COL23A1: variants seen among roughly 807,000 people sequenced by gnomAD.
COL23A1 encodes collagen alpha-1(XXIII) chain.
In COL23A1, 97 loss-of-function variants were observed where a neutral mutation model predicts 99.3. The ratio of observed to expected loss-of-function variants is 0.98; its 90% CI spans 0.83 to 1.16. COL23A1 has a LOEUF of 1.16. COL23A1 is among the 50% of genes most tolerant of loss of function. COL23A1 has a pLI of 0.00. For missense variants in COL23A1, 762 were observed against 757.4 expected, an observed-to-expected ratio of 1.01 and a Z score of -0.07; for synonymous variants, 320 against 308.2, an observed-to-expected ratio of 1.04 and a Z score of -0.40.
At chr5:178,388,720 C>G (rs576732223) in intron 2 of COL23A1, among the ~76,000 whole-genome samples, 1 of 152,334 alleles carries the variant, frequency 6.6e-6, no homozygotes, top group Non-Finnish European at 1.5e-5. Flanking sequence ...CCAGCCCAGC[C>G]CAGCCATCCT....
chr5:178,271,250 C>T (rs938113883), intron 5 of COL23A1, among the ~76,000 whole-genome samples: 15 of 152,194 alleles, frequency 9.9e-5, no homozygotes, highest in African/African-American at 3.4e-4. Context: ...ACCAGGGCTG[C>T]CTGGTCTCTG....
At chr5:178,318,688 G>A (rs1023626451) in intron 2 of COL23A1, among the ~76,000 whole-genome samples, 1 of 152,224 alleles carries the variant, frequency 6.6e-6, no homozygotes, top group Non-Finnish European at 1.5e-5. Flanking sequence ...GATCACCTGA[G>A]GTCAGGAGTT....
At chr5:178,247,719 C>T in intron 21 of COL23A1, 56 bp downstream of exon 21, 1 of 1,580,608 alleles carries the variant, frequency 6.3e-7, no homozygotes, top group South Asian at 1.1e-5. Context: ...CTAGCCCCCA[C>T]CCCGCCTCTT....
At chr5:178,358,419 G>GTGTGTGTATGTGTA (rs1168044094) in intron 2 of COL23A1, among the ~76,000 whole-genome samples, 1 of 140,240 alleles carries the variant, frequency 7.1e-6, no homozygotes, top group Non-Finnish European at 1.5e-5. Context: ...GTATGTGTAT[G>GTGTGTGTATGTGTA]TGTGTGTATG....
At chr5:178,445,513 C>T (rs562608561) in intron 2 of COL23A1, among the ~76,000 whole-genome samples, 28 of 152,206 alleles carry the variant, frequency 1.8e-4, no homozygotes, top group African/African-American at 5.3e-4. Context: ...CGTCCCATTA[C>T]GATTCTGATG....
rs753690368 is a variant in COL23A1 at position 178,515,132 on chromosome 5, GA to G, written c.361+45549del. Among the ~76,000 whole-genome samples the G allele has an allele frequency of 1.1e-4, 16 of 152,354 alleles. No individual in the cohort carries two copies. In the South Asian group the frequency reaches 2.7e-3, roughly 26 times the overall value. On this transcript the variant is annotated intron_variant, in intron 2 of 28. Transcript: ENST00000390654. The stretch of plus-strand genomic sequence containing the variant: ...AGGCAGCTGAGCTGCAGATGGGGAG[GA>G]GGGCACTGTGCCAGGCTCAGATCCC...
chr5:178,495,074 G>A (rs1758128474), intron 2 of COL23A1, among the ~76,000 whole-genome samples: 1 of 152,212 alleles, frequency 6.6e-6, no homozygotes, highest in African/African-American at 2.4e-5. Context: ...GCCTCCTCCT[G>A]GGCCTGCAGG....
intron 2 of COL23A1, among the ~76,000 whole-genome samples, chr5:178,487,422 C>T (rs374648342): frequency 1.3e-4 from 20 of 152,098 alleles, no homozygotes; most frequent in African/African-American, 4.3e-4. Flanking sequence ...TGGGTTCAAG[C>T]GATTCTCCTG....
At chr5:178,242,529 C>T in intron 25 of COL23A1, 135 bp from the exon 26 acceptor site, 1 of 834,198 alleles carries the variant, frequency 1.2e-6, no homozygotes, top group South Asian at 1.5e-5. Context: ...GCTGGCCTAG[C>T]CCTAGCTGTA....
chr5:178,245,540 A>G (rs925713707), intron 25 of COL23A1, among the ~76,000 whole-genome samples: 4 of 76,560 alleles, frequency 5.2e-5, no homozygotes, highest in Middle Eastern at 6.3e-3. Flanking sequence ...TCCATCACCC[A>G]TCCATCCATT....
chr5:178,268,855 A>AGGGC, intron 6 of COL23A1, 99 bp from the exon 7 acceptor site: 1 of 1,276,946 alleles, frequency 7.8e-7, no homozygotes, highest in Non-Finnish European at 1.1e-6. Flanking sequence ...AGGGCCCGTG[A>AGGGC]TGCTGGGCGG....
intron 2 of COL23A1, among the ~76,000 whole-genome samples, chr5:178,520,487 C>T (rs190164441): frequency 1.1e-3 from 161 of 152,234 alleles, no homozygotes; most frequent in Middle Eastern, 6.8e-3. Flanking sequence ...AGGGCTCTGT[C>T]GATGTGTTTG....
At chr5:178,257,684 T>G in intron 12 of COL23A1, 117 bp from the exon 13 acceptor site, 2 of 1,024,638 alleles carry the variant, frequency 2.0e-6, no homozygotes, top group Non-Finnish European at 3.0e-6. Flanking sequence ...TGGCACATGG[T>G]ACCAGGCAGC....
At chr5:178,545,074 A>C (rs1415747883) in intron 2 of COL23A1, among the ~76,000 whole-genome samples, 1 of 152,004 alleles carries the variant, frequency 6.6e-6, no homozygotes, top group Non-Finnish European at 1.5e-5. Context: ...ACCGAGTGAG[A>C]TCCTGACTCT....
rs879789305 is a variant in COL23A1, at chr5:178,309,943, G to GTA, written c.362-3025_362-3024insTA. On this transcript the variant is annotated intron_variant, in intron 2 of 28. Transcript: ENST00000390654. This position sits in a 1 kb window ranked among gnomAD's most constrained non-coding sequence, Gnocchi z 4.7. ...TGTGTGTTCAGGGGAGGAAGGGCGG[G>GTA]GGGGAGAGGGAGGGAGGGAGAAGGG... Among the ~76,000 whole-genome samples, 57 of 146,048 alleles carry GTA rather than the reference G, an allele frequency of 3.9e-4. No individual in the cohort carries two copies. Among genetic ancestry groups the GTA allele is most frequent in the African/African-American group, 1.3e-3 (46 of 35,680 alleles).
At chr5:178,402,734 A>C (rs533898523) in intron 2 of COL23A1, among the ~76,000 whole-genome samples, 1 of 152,114 alleles carries the variant, frequency 6.6e-6, no homozygotes, top group African/African-American at 2.4e-5. Flanking sequence ...AAAAGAAAGA[A>C]AAAACATATA....
At chr5:178,419,320 G>C (rs1190282993) in intron 2 of COL23A1, among the ~76,000 whole-genome samples, 1 of 152,302 alleles carries the variant, frequency 6.6e-6, no homozygotes, top group East Asian at 1.9e-4. Context: ...TCGCATGGAG[G>C]GTCAGTGGCT....
At chr5:178,400,542 T>G (rs1202123820) in intron 2 of COL23A1, among the ~76,000 whole-genome samples, 1 of 152,154 alleles carries the variant, frequency 6.6e-6, no homozygotes, top group Non-Finnish European at 1.5e-5. Flanking sequence ...TGTGGTAAGA[T>G]AGACATAACA....
intron 2 of COL23A1, among the ~76,000 whole-genome samples, chr5:178,471,044 C>G (rs1756718910): frequency 6.6e-6 from 1 of 152,202 alleles, no homozygotes; most frequent in African/African-American, 2.4e-5. Context: ...GCTCCAGTGC[C>G]TGGCTGCCTT....
Sources: allele counts gnomAD v4.1 joint callset (sites outside exome capture counted in the v4.1 genomes callset), GRCh38; gene constraint gnomAD v4.1.1; non-coding constraint Gnocchi (gnomAD v3.1); transcripts MANE v1.5; gene names NCBI Gene and HGNC (gene_info 2026-07-23, HGNC 2026-07-21).